The following CDH13 variants were observed in gnomAD, a reference collection of about 807,000 sequenced individuals.
The protein encoded by CDH13 is cadherin 13, also known as cadherin-13.
CDH13 carries 24 observed loss-of-function variants against 63.8 expected under a neutral mutation model. The ratio of observed to expected loss-of-function variants is 0.38; its 90% CI spans 0.27 to 0.53. The LOEUF (loss-of-function observed/expected upper bound fraction) is 0.53. Among genes scored for constraint, CDH13 ranks in the 20% least tolerant of loss-of-function variants. The pLI, the probability that CDH13 is intolerant of heterozygous loss-of-function variation, is 0.85. For missense variants in CDH13, 1,049 were observed against 903.1 expected (o/e 1.16, Z -2.07); for synonymous variants, 503 against 355.3 (o/e 1.42, Z -4.67).
At chr16:82,830,171 C>G (rs373983026) in intron 1 of CDH13, among the ~76,000 whole-genome samples, 1 of 152,184 alleles carries the variant, frequency 6.6e-6, no homozygotes, top group African/African-American at 2.4e-5. Flanking sequence ...ATTCTGTCCA[C>G]GTGTGAAACT....
At chr16:83,014,842 G>GTATA (rs369072006) in intron 2 of CDH13, among the ~76,000 whole-genome samples, 2,386 of 35,754 alleles carry the variant, frequency 0.067, 85 homozygotes, top group South Asian at 0.1. Context: ...ATATATATTT[G>GTATA]TATATATATA....
chr16:83,724,877 C>T (rs532540302), intron 10 of CDH13, among the ~76,000 whole-genome samples: 2 of 152,282 alleles, frequency 1.3e-5, no homozygotes, highest in African/African-American at 4.8e-5. Flanking sequence ...CTCTATATGG[C>T]TTCCCAGCCT....
At chr16:82,726,751 C>T (rs190702905) in intron 1 of CDH13, among the ~76,000 whole-genome samples, 113 of 152,324 alleles carry the variant, frequency 7.4e-4, no homozygotes, top group Admixed American at 1.2e-3. Context: ...GTATCTGGTG[C>T]GTAGCACCCC....
chr16:83,042,736 C>T (rs1023501280), intron 3 of CDH13, among the ~76,000 whole-genome samples: 2 of 152,134 alleles, frequency 1.3e-5, no homozygotes, highest in Non-Finnish European at 2.9e-5. Context: ...AAATTAATTA[C>T]CTTGTCTCTA....
Position 83,677,469 on chromosome 16 carries a change from C to A in CDH13, c.1285-739C>A, listed in dbSNP as rs775746038. Among the ~76,000 whole-genome samples the A allele has an allele frequency of 2.6e-5, 4 of 151,872 alleles. No homozygotes were observed. In the East Asian group the frequency reaches 7.8e-4, roughly 29 times the overall value. ...GCCCGGCAAATGGTTGTAGAGCCCT[C>A]GAGTCAATTGAAAATGCTCCCATAC... On this transcript the variant is annotated intron_variant, in intron 9 of 13. Transcript: ENST00000567109.
intron 1 of CDH13, among the ~76,000 whole-genome samples, chr16:82,728,916 C>T (rs1423786188): frequency 6.6e-6 from 1 of 152,150 alleles, no homozygotes; most frequent in Non-Finnish European, 1.5e-5. Flanking sequence ...GTTGTCATTT[C>T]AACAATGTTC....
chr16:83,355,292 C>CT (rs1329222170), intron 6 of CDH13, among the ~76,000 whole-genome samples: 1 of 152,164 alleles, frequency 6.6e-6, no homozygotes, highest in Non-Finnish European at 1.5e-5. Context: ...ATGATGCCAG[C>CT]TTATTATAAC....
At position 82,932,331 on chromosome 16, in the gene CDH13, C is replaced by T. The variant is rs552746380; in HGVS notation, c.157+73858C>T. The stretch of plus-strand genomic sequence containing the variant: ...TTGTTTGTTTGCTTTGAAATCCTAA[C>T]TCAGTCCCACTAGTCCCATTTTTGT... On this transcript the variant is annotated intron_variant, in intron 2 of 13. Transcript: ENST00000567109. Among the ~76,000 whole-genome samples the T allele has an allele frequency of 7.9e-5, 12 of 152,294 alleles. No homozygotes were observed. The South Asian group carries it at 1.4e-3, about 18-fold the overall frequency.
intron 2 of CDH13, among the ~76,000 whole-genome samples, chr16:83,016,151 G>A (rs931611647): frequency 6.6e-6 from 1 of 152,152 alleles, no homozygotes; most frequent in South Asian, 2.1e-4. Context: ...TTGGCCACTG[G>A]AGGATGAATA....
At chr16:82,961,672 A>G (rs1301945380) in intron 2 of CDH13, among the ~76,000 whole-genome samples, 3 of 151,998 alleles carry the variant, frequency 2.0e-5, no homozygotes, top group African/African-American at 7.2e-5. Context: ...AGTATTTTTC[A>G]AAGTTACCCA....
intron 1 of CDH13, among the ~76,000 whole-genome samples, chr16:82,628,862 C>T (rs984635239): frequency 1.3e-5 from 2 of 152,186 alleles, no homozygotes; most frequent in Admixed American, 1.3e-4. Context: ...CCAACCCGGG[C>T]AAGTTGTTTA....
At chr16:83,008,637 C>G (rs1327656429) in intron 2 of CDH13, among the ~76,000 whole-genome samples, 3 of 152,148 alleles carry the variant, frequency 2.0e-5, no homozygotes, top group Non-Finnish European at 4.4e-5. Flanking sequence ...GTTGAGACCA[C>G]TGGGTGTGGG....
intron 2 of CDH13, among the ~76,000 whole-genome samples, chr16:82,865,121 G>C (rs2040081367): frequency 6.6e-6 from 1 of 152,220 alleles, no homozygotes; most frequent in African/African-American, 2.4e-5. Flanking sequence ...CACCCCCATG[G>C]CTTTGTGGGG....
intron 5 of CDH13, among the ~76,000 whole-genome samples, chr16:83,276,747 T>A (rs1048125644): frequency 6.6e-6 from 1 of 152,184 alleles, no homozygotes; most frequent in Non-Finnish European, 1.5e-5. Flanking sequence ...GACAGGCACC[T>A]GTAGCCACAG....
intron 8 of CDH13, among the ~76,000 whole-genome samples, chr16:83,664,267 A>T (rs1045897596): frequency 1.3e-5 from 2 of 152,216 alleles, no homozygotes; most frequent in East Asian, 3.9e-4. Context: ...GGGCCTGACT[A>T]TGCCTTTTCT....
intron 5 of CDH13, among the ~76,000 whole-genome samples, chr16:83,253,719 G>C (rs1358057548): frequency 6.6e-6 from 1 of 152,148 alleles, no homozygotes; most frequent in Non-Finnish European, 1.5e-5. Flanking sequence ...GCTTAGACAG[G>C]GGCTGGCACT....
chr16:82,868,779 A>C (rs1256029216), intron 2 of CDH13, among the ~76,000 whole-genome samples: 1 of 152,212 alleles, frequency 6.6e-6, no homozygotes, highest in Non-Finnish European at 1.5e-5. Context: ...TAACATTTAG[A>C]ATTTCACCTT....
At chr16:83,155,931 A>G (rs2037189997) in intron 4 of CDH13, among the ~76,000 whole-genome samples, 1 of 152,170 alleles carries the variant, frequency 6.6e-6, no homozygotes, top group Non-Finnish European at 1.5e-5. Flanking sequence ...ATTGCCAGTG[A>G]CCCTGGAATC....
intron 3 of CDH13, among the ~76,000 whole-genome samples, chr16:83,123,504 C>A (rs778517406): frequency 7.2e-5 from 11 of 152,108 alleles, no homozygotes; most frequent in Non-Finnish European, 1.5e-4. Flanking sequence ...GTCTCAAACT[C>A]CCAACCTCAG....
Sources: gnomAD v4.1 joint callset for allele counts (sites outside exome capture counted in the v4.1 genomes callset) on GRCh38, gnomAD v4.1.1 for gene constraint, MANE v1.5 for transcripts, NCBI Gene and HGNC (gene_info 2026-07-23, HGNC 2026-07-21) for gene names.